The following ITGA4 variants were observed in gnomAD, a reference collection of about 807,000 sequenced individuals.
ITGA4 encodes the protein integrin subunit alpha 4.
In ITGA4, 63 loss-of-function variants were observed where a neutral mutation model predicts 133.6. The observed-to-expected ratio is 0.47, with a 90% CI of 0.38 to 0.58. The LOEUF (loss-of-function observed/expected upper bound fraction) is 0.58, where lower values mean the gene tolerates loss of function less well. ITGA4 is among the 20% of genes least tolerant of loss of function. The probability of loss-of-function intolerance (pLI) is 0.00; values close to 1 mark genes in which losing one functional copy is unlikely to be tolerated. For synonymous variants in ITGA4, 483 were observed against 438.0 expected, an observed-to-expected ratio of 1.10 and a Z score of -1.28; for missense variants, 1,076 against 1,252.7, an observed-to-expected ratio of 0.86 and a Z score of 2.13.
intron 2 of ITGA4, 45 bp downstream of exon 2, chr2:181,458,362 C>A: frequency 6.3e-7 from 1 of 1,591,524 alleles, no homozygotes; most frequent in African/African-American, 1.3e-5. Flanking sequence ...CCCGACCCCC[C>A]ATGTGGACCC....
chr2:181,485,537 C>G (rs1467097307), intron 9 of ITGA4, among the ~76,000 whole-genome samples: 1 of 152,086 alleles, frequency 6.6e-6, no homozygotes, highest in African/African-American at 2.4e-5. Flanking sequence ...ACTGCCTTGC[C>G]CCTTTTCACC....
intron 4 of ITGA4, among the ~76,000 whole-genome samples, chr2:181,477,922 G>T (rs575640084): frequency 6.6e-4 from 100 of 152,218 alleles, no homozygotes; most frequent in African/African-American, 2.3e-3. Context: ...ATTCACAATA[G>T]CCAAGTTACA....
At chr2:181,514,372 C>A (rs762835860) in intron 17 of ITGA4, among the ~76,000 whole-genome samples, 2 of 152,084 alleles carry the variant, frequency 1.3e-5, no homozygotes, top group South Asian at 4.1e-4. Flanking sequence ...CAATTATTTT[C>A]ACTTAGGCAA....
chr2:181,528,585 A>G (rs1409306442), intron 22 of ITGA4, among the ~76,000 whole-genome samples: 2 of 152,248 alleles, frequency 1.3e-5, no homozygotes, highest in Non-Finnish European at 2.9e-5. Flanking sequence ...GGCATCCAGA[A>G]GACCTTGTCT....
intron 9 of ITGA4, among the ~76,000 whole-genome samples, chr2:181,483,414 G>GAA (rs3841881): frequency 0.16 from 24,803 of 152,114 alleles, 2,249 homozygotes; most frequent in Middle Eastern, 0.24. Flanking sequence ...GGGCTTGTGA[G>GAA]AAGACCAGTT....
intron 2 of ITGA4, among the ~76,000 whole-genome samples, chr2:181,463,036 A>G (rs1270391646): frequency 6.6e-6 from 1 of 152,176 alleles, no homozygotes; most frequent in Non-Finnish European, 1.5e-5. Context: ...AGGTAAGACA[A>G]TAAAGTGATG....
chr2:181,464,178 T>C (rs1685357209), intron 2 of ITGA4, among the ~76,000 whole-genome samples: 1 of 151,934 alleles, frequency 6.6e-6, no homozygotes, highest in African/African-American at 2.4e-5. Flanking sequence ...AAGAGAGTGT[T>C]TTGAGAAGAG....
intron 4 of ITGA4, among the ~76,000 whole-genome samples, chr2:181,478,164 TAA>T (rs1012412603): frequency 6.6e-6 from 1 of 152,032 alleles, no homozygotes; most frequent in Non-Finnish European, 1.5e-5. Context: ...CTGTGGAATC[TAA>T]AAAAGTCAAA....
intron 20 of ITGA4, chr2:181,524,451 A>G: frequency 2.2e-6 from 1 of 463,754 alleles, no homozygotes; most frequent in Non-Finnish European, 3.7e-6. Context: ...TTAAGTATTT[A>G]TTAGATTAGA....
intron 15 of ITGA4, among the ~76,000 whole-genome samples, chr2:181,508,273 A>T (rs1422300258): frequency 6.6e-6 from 1 of 152,146 alleles, no homozygotes; most frequent in Non-Finnish European, 1.5e-5. Flanking sequence ...TGCTGTGTAG[A>T]CATAAGATAT....
In ITGA4 at chr2:181,537,925, G is replaced by GCAT; in HGVS notation, c.*2399_*2401dup. On this transcript the variant is annotated 3_prime_UTR_variant, in exon 28 of 28. Transcript: ENST00000397033. ...TCCTCCCCCTGTCAGATCAGCAGCAGCATTAGATTCTCATAGAAGTGCGAA... is the reference window on the plus strand; with the variant it reads ...TCCTCCCCCTGTCAGATCAGCAGCAGCATCATTAGATTCTCATAGAAGTGCGAA... 1.7e-6 allele frequency: 1 copy of GCAT among 592,460 alleles called. No homozygotes were observed. The highest frequency in any genetic ancestry group is 1.5e-5 in the South Asian group (1 of 65,664). 36.7% of individuals were successfully genotyped at this position (592,460 alleles called of 1,614,324 possible). A position where few individuals can be genotyped will look rare whatever the true frequency, so the allele number is the denominator to read the frequency against.
chr2:181,517,760 T>C (rs1686636061), intron 17 of ITGA4, among the ~76,000 whole-genome samples: 1 of 152,036 alleles, frequency 6.6e-6, no homozygotes, highest in African/African-American at 2.4e-5. Context: ...AAATGGAAAA[T>C]AAACCAGGAG....
intron 25 of ITGA4, 65 bp downstream of exon 25, chr2:181,531,841 A>T (rs56005177): frequency 1.6e-6 from 2 of 1,252,920 alleles, no homozygotes; most frequent in East Asian, 5.1e-5. Context: ...AAATTCAGTC[A>T]TATAGGCAGG....
chr2:181,527,901 G>A (rs755533783), intron 22 of ITGA4, among the ~76,000 whole-genome samples: 12 of 152,120 alleles, frequency 7.9e-5, no homozygotes, highest in Admixed American at 6.5e-4. Context: ...ACCTTTTAAA[G>A]TAAAGAGTAC....
At position 181,537,239 on chromosome 2, in the gene ITGA4, G is replaced by A; in HGVS notation, c.*1712G>A. On this transcript the variant is annotated 3_prime_UTR_variant, in exon 28 of 28. Coordinates refer to ENST00000397033, the MANE Select transcript of ITGA4 (RefSeq NM_000885.6). ...CTGTCTTCTCCAGGATGGTCTCTAA[G>A]GAAATTTACATTTGGTTCTTTCCTA... 2.2e-6 allele frequency: 1 copy of A among 453,798 alleles called. No individual in the cohort carries two copies. 28.1% of individuals were successfully genotyped at this position (453,798 alleles called of 1,614,324 possible). A position where few individuals can be genotyped will look rare whatever the true frequency, so the allele number is the denominator to read the frequency against.
chr2:181,469,931 G>C (rs950531941), intron 2 of ITGA4, among the ~76,000 whole-genome samples: 3 of 152,042 alleles, frequency 2.0e-5, no homozygotes, highest in African/African-American at 7.2e-5. Context: ...GGGGGGATGG[G>C]GGAGGGATAG....
intron 17 of ITGA4, among the ~76,000 whole-genome samples, chr2:181,519,710 A>G (rs1011171305): frequency 6.6e-6 from 1 of 152,132 alleles, no homozygotes; most frequent in Non-Finnish European, 1.5e-5. Flanking sequence ...GGTTGTCTGG[A>G]TGGGGGTACA....
rs538986775 is a variant in ITGA4, at chr2:181,535,712, G to T, written c.*185G>T. 3 of 619,424 alleles carry T rather than the reference G, an allele frequency of 4.8e-6. No individual in the cohort carries two copies. The African/African-American group carries it at 5.6e-5, about 11-fold the overall frequency. The allele number at this position is 619,424 out of a possible 1,614,324, so 38.4% of individuals were successfully genotyped here. A position where few individuals can be genotyped will look rare whatever the true frequency, so the allele number is the denominator to read the frequency against. ...GATTACTCTTTGAGATAGAAGAACT[G>T]CAAAGGTAATAATACAGCCAAAGAT... is the stretch of plus-strand genomic sequence containing the variant. On this transcript the variant is annotated 3_prime_UTR_variant, in exon 28 of 28. Coordinates refer to ENST00000397033, the MANE Select transcript of ITGA4 (RefSeq NM_000885.6).
intron 17 of ITGA4, among the ~76,000 whole-genome samples, chr2:181,513,571 T>C (rs1306045628): frequency 1.3e-5 from 2 of 152,118 alleles, no homozygotes; most frequent in African/African-American, 2.4e-5. Context: ...TCTCCTGCTT[T>C]CTAGGATACT....
Sources: gnomAD v4.1 joint callset for allele counts (sites outside exome capture counted in the v4.1 genomes callset) on GRCh38, gnomAD v4.1.1 for gene constraint, MANE v1.5 for transcripts, NCBI Gene and HGNC (gene_info 2026-07-23, HGNC 2026-07-21) for gene names.